Variants in SLC71A2 observed in about 807,000 individuals in gnomAD.
SLC71A2 encodes hippocampus abundant transcript-like 1.
At chr9:94,445,195 A>C in the SLC71A2 span, 5 of 1,575,384 alleles carry the variant, frequency 3.2e-6, no homozygotes, top group Admixed American at 5.5e-5. Flanking sequence ...AAATAAAAAT[A>C]TGGAAATATT....
chr9:94,417,868 C>A, the SLC71A2 span, among the ~76,000 whole-genome samples: 1,212 of 49,532 alleles, frequency 0.024, 106 homozygotes, highest in Non-Finnish European at 0.029. Flanking sequence ...ACCCCCCCCC[C>A]CCCCCCCCGA....
the SLC71A2 span, among the ~76,000 whole-genome samples, chr9:94,431,548 AAAG>A: frequency 6.6e-6 from 1 of 151,822 alleles, no homozygotes; most frequent in African/African-American, 2.4e-5. Context: ...TCTTTTTACT[AAAG>A]AAAAGCCAAG....
At chr9:94,402,797 A>G in the SLC71A2 span, among the ~76,000 whole-genome samples, 1 of 152,166 alleles carries the variant, frequency 6.6e-6, no homozygotes, top group Non-Finnish European at 1.5e-5. Flanking sequence ...GTTCACTTAT[A>G]TTTTCTCCTA....
At chr9:94,417,848 TTCCCA>T in the SLC71A2 span, among the ~76,000 whole-genome samples, 1 of 66,872 alleles carries the variant, frequency 1.5e-5, no homozygotes, top group African/African-American at 5.0e-5. Flanking sequence ...TATAGGCAAG[TTCCCA>T]CCCCACCCCC....
the SLC71A2 span, among the ~76,000 whole-genome samples, chr9:94,444,370 CT>C: frequency 6.6e-5 from 10 of 152,300 alleles, no homozygotes; most frequent in East Asian, 1.9e-3. Context: ...AGTCAAAAAG[CT>C]TCAACTTCCA....
At chr9:94,458,254 C>T in the SLC71A2 span, 4 of 1,417,246 alleles carry the variant, frequency 2.8e-6, no homozygotes, top group Middle Eastern at 2.5e-4. Flanking sequence ...TGAGAAAGTA[C>T]TGTGCAGCTC....
chr9:94,445,252 G>C, the SLC71A2 span: 1 of 1,273,272 alleles, frequency 7.9e-7, no homozygotes, highest in Non-Finnish European at 1.1e-6. Flanking sequence ...AAGTATGTAT[G>C]TGCAGCCTCA....
chr9:94,441,122 T>G, the SLC71A2 span: 1 of 1,311,706 alleles, frequency 7.6e-7, no homozygotes, highest in African/African-American at 1.5e-5. Context: ...ACTATATATA[T>G]TTTTTAACCA....
At chr9:94,414,498 G>A in the SLC71A2 span, among the ~76,000 whole-genome samples, 9 of 152,134 alleles carry the variant, frequency 5.9e-5, no homozygotes, top group Non-Finnish European at 2.9e-5. Context: ...CTCTTATTAT[G>A]TAGGTAAAGA....
At chr9:94,411,630 G>T in the SLC71A2 span, among the ~76,000 whole-genome samples, 1 of 146,830 alleles carries the variant, frequency 6.8e-6, no homozygotes, top group Non-Finnish European at 1.5e-5. Context: ...CGTGCTTGTT[G>T]CCCAGGCTGG....
At chr9:94,423,027 C>G in the SLC71A2 span, among the ~76,000 whole-genome samples, 1 of 149,806 alleles carries the variant, frequency 6.7e-6, no homozygotes, top group South Asian at 2.1e-4. Flanking sequence ...ATGTCTGCCT[C>G]CCGGGTTCAA....
At chr9:94,456,079 C>A in the SLC71A2 span, among the ~76,000 whole-genome samples, 2 of 151,780 alleles carry the variant, frequency 1.3e-5, no homozygotes, top group Admixed American at 1.3e-4. Flanking sequence ...TCACATGTAA[C>A]CTTGTAGGTT....
chr9:94,459,689 A>G, the SLC71A2 span: 1 of 358,686 alleles, frequency 2.8e-6, no homozygotes, highest in Non-Finnish European at 5.1e-6. Context: ...ACTCAAATAG[A>G]AAAAGTCATC....
the SLC71A2 span, among the ~76,000 whole-genome samples, chr9:94,439,872 C>T: frequency 6.6e-6 from 1 of 151,992 alleles, no homozygotes; most frequent in Admixed American, 6.6e-5. Context: ...ATATTAATGT[C>T]ATCTGTAAAT....
chr9:94,446,466 T>G, the SLC71A2 span, among the ~76,000 whole-genome samples: 2 of 152,238 alleles, frequency 1.3e-5, no homozygotes, highest in African/African-American at 2.4e-5. Context: ...AGTTACATTA[T>G]GAATTGAGAG....
chr9:94,391,387 A>G, the SLC71A2 span, among the ~76,000 whole-genome samples: 6 of 151,228 alleles, frequency 4.0e-5, no homozygotes, highest in Non-Finnish European at 7.4e-5. Context: ...AGGAAAAAGG[A>G]AAGTGATTAA....
chr9:94,392,663 G>A, the SLC71A2 span, among the ~76,000 whole-genome samples: 1 of 152,130 alleles, frequency 6.6e-6, no homozygotes, highest in Non-Finnish European at 1.5e-5. Context: ...ACCATGCCCA[G>A]CTAATTTTTG....
At chr9:94,399,216 A>G in the SLC71A2 span, among the ~76,000 whole-genome samples, 1 of 152,120 alleles carries the variant, frequency 6.6e-6, no homozygotes, top group Admixed American at 6.6e-5. Flanking sequence ...CCATGCTTAT[A>G]TTCTGGGATT....
the SLC71A2 span, among the ~76,000 whole-genome samples, chr9:94,456,969 A>T: frequency 1.1e-4 from 2 of 17,780 alleles, no homozygotes; most frequent in African/African-American, 4.2e-4. Flanking sequence ...TCCTCCCCCC[A>T]CCCCCCACCT....
Sources: gnomAD v4.1 joint callset for allele counts (sites outside exome capture counted in the v4.1 genomes callset) on GRCh38, gnomAD v4.1.1 for gene constraint, MANE v1.5 for transcripts, NCBI Gene and HGNC (gene_info 2026-07-23, HGNC 2026-07-21) for gene names.